Variants in FARS2 observed in about 807,000 individuals in gnomAD.
FARS2 encodes phenylalanyl-tRNA synthetase 2, mitochondrial, also known as phenylalanine--tRNA ligase, mitochondrial.
In FARS2, 40 loss-of-function variants were observed where a neutral mutation model predicts 46.4. The observed-to-expected ratio is 0.86, with a 90% CI of 0.67 to 1.12. The LOEUF (loss-of-function observed/expected upper bound fraction) is 1.12. Ranked by LOEUF, FARS2 falls within the 50% of genes most tolerant of loss-of-function variation. The probability of loss-of-function intolerance (pLI) is 0.00; values close to 1 mark genes in which losing one functional copy is unlikely to be tolerated. For synonymous variants in FARS2, 234 were observed against 214.9 expected (o/e 1.09, Z -0.78); for missense variants, 513 against 567.9 (o/e 0.90, Z 0.98).
chr6:5,465,447 A>G (rs977105413), intron 4 of FARS2, among the ~76,000 whole-genome samples: 6 of 152,202 alleles, frequency 3.9e-5, no homozygotes, highest in African/African-American at 1.4e-4. Context: ...TGCGTATTAT[A>G]ATTTACTTGC....
intron 1 of FARS2, among the ~76,000 whole-genome samples, chr6:5,268,741 A>C (rs1304002371): frequency 1.3e-5 from 2 of 152,160 alleles, no homozygotes; most frequent in Non-Finnish European, 2.9e-5. Flanking sequence ...TCTGTGAAGA[A>C]AGTCATTGGT....
At chr6:5,545,437 T>C (rs1770914334) in intron 5 of FARS2, 97 bp downstream of exon 5, 1 of 866,036 alleles carries the variant, frequency 1.2e-6, no homozygotes, top group African/African-American at 1.7e-5. Context: ...TTTATTTTAT[T>C]TATTTTATTT....
At chr6:5,569,123 A>G (rs1772484205) in intron 5 of FARS2, among the ~76,000 whole-genome samples, 1 of 152,098 alleles carries the variant, frequency 6.6e-6, no homozygotes, top group Admixed American at 6.5e-5. Flanking sequence ...AGCCAGAAAG[A>G]AAATGGTTCC....
At chr6:5,555,560 A>G (rs988929737) in intron 5 of FARS2, among the ~76,000 whole-genome samples, 2 of 152,154 alleles carry the variant, frequency 1.3e-5, no homozygotes, top group South Asian at 4.1e-4. Flanking sequence ...TGCTGTCATT[A>G]TCATAAATGT....
intron 4 of FARS2, among the ~76,000 whole-genome samples, chr6:5,475,024 T>C (rs962395625): frequency 1.3e-5 from 2 of 152,146 alleles, no homozygotes; most frequent in African/African-American, 4.8e-5. Flanking sequence ...TACCAAAACA[T>C]TGTTACTTGG....
chr6:5,474,741 A>G (rs972013402), intron 4 of FARS2, among the ~76,000 whole-genome samples: 1 of 146,262 alleles, frequency 6.8e-6, no homozygotes, highest in African/African-American at 2.5e-5. Context: ...GTTCACTGCA[A>G]CCTCTTCCTC....
chr6:5,379,907 C>G (rs550567652), intron 2 of FARS2, among the ~76,000 whole-genome samples: 51 of 152,302 alleles, frequency 3.3e-4, no homozygotes, highest in African/African-American at 1.2e-3. Flanking sequence ...GGACTCAACT[C>G]AGTTTTCACA....
intron 5 of FARS2, among the ~76,000 whole-genome samples, chr6:5,595,906 C>T (rs775892485): frequency 6.6e-6 from 1 of 152,102 alleles, no homozygotes; most frequent in Non-Finnish European, 1.5e-5. Context: ...TGAGTTGTAG[C>T]GGCTGAGTGA....
chr6:5,448,646 T>A (rs73352453), intron 4 of FARS2, among the ~76,000 whole-genome samples: 2,449 of 152,368 alleles, frequency 0.016, 66 homozygotes, highest in African/African-American at 0.055. Flanking sequence ...AAAAACAATG[T>A]TTCAGTGAAT....
At chr6:5,460,897 A>G (rs547324983) in intron 4 of FARS2, among the ~76,000 whole-genome samples, 1 of 152,296 alleles carries the variant, frequency 6.6e-6, no homozygotes, top group Admixed American at 6.5e-5. Flanking sequence ...TGGATTCTGT[A>G]GTACAGAAAG....
chr6:5,672,180 C>A (rs60675913), intron 6 of FARS2, among the ~76,000 whole-genome samples: 1 of 152,170 alleles, frequency 6.6e-6, no homozygotes, highest in Admixed American at 6.5e-5. Flanking sequence ...TCTGTGGAAT[C>A]TAAAGCGGCT....
chr6:5,309,948 T>C (rs1332541365), intron 1 of FARS2, among the ~76,000 whole-genome samples: 1 of 152,176 alleles, frequency 6.6e-6, no homozygotes, highest in Non-Finnish European at 1.5e-5. Context: ...GGATGTTAGA[T>C]ACATTATGAA....
intron 2 of FARS2, among the ~76,000 whole-genome samples, chr6:5,399,762 A>G (rs1030717840): frequency 6.6e-6 from 1 of 152,172 alleles, no homozygotes; most frequent in African/African-American, 2.4e-5. Flanking sequence ...TTTATTTATC[A>G]GGATGTCTTG....
At chr6:5,329,488 A>G (rs1770642139) in intron 1 of FARS2, among the ~76,000 whole-genome samples, 1 of 152,148 alleles carries the variant, frequency 6.6e-6, no homozygotes, top group Admixed American at 6.5e-5. Flanking sequence ...ATGTCAACCA[A>G]TCATCCAAGT....
chr6:5,725,978 T>C (rs1019654997), intron 6 of FARS2, among the ~76,000 whole-genome samples: 3 of 152,038 alleles, frequency 2.0e-5, no homozygotes, highest in Non-Finnish European at 4.4e-5. Context: ...ATCACCACCA[T>C]TGTCATCATC....
At chr6:5,724,759 A>G (rs1760143348) in intron 6 of FARS2, among the ~76,000 whole-genome samples, 1 of 152,222 alleles carries the variant, frequency 6.6e-6, no homozygotes, top group Non-Finnish European at 1.5e-5. Flanking sequence ...CACTCTTTGT[A>G]ATCAGGGAAT....
chr6:5,506,404 T>G (rs1314026944), intron 4 of FARS2, among the ~76,000 whole-genome samples: 1 of 152,194 alleles, frequency 6.6e-6, no homozygotes, highest in East Asian at 1.9e-4. Flanking sequence ...GAACCTTGAC[T>G]CTCAAGATTT....
At position 5,613,186 on chromosome 6, in the gene FARS2, G is replaced by A. The variant is rs762103254; in HGVS notation, c.1083G>A (p.Pro361=). 2.2e-5 allele frequency: 36 copies of A among 1,612,160 alleles called. No homozygotes were observed. The highest frequency in any genetic ancestry group is 4.4e-5 in the South Asian group (4 of 90,836). Residue 361 remains proline (P), a synonymous_variant, in exon 6 of 7, where the codon CCG becomes CCA. Transcript: ENST00000274680. ...TTTGTTAGCCTCTTAGCAAATATCC[G>A]GCTGTGATCAATGATATTTCATTCT... ...KVKFQPLSKY[P]AVINDISFWL... is the part of the protein sequence containing the mutation.
At chr6:5,288,507 G>A (rs561251864) in intron 1 of FARS2, among the ~76,000 whole-genome samples, 4 of 152,212 alleles carry the variant, frequency 2.6e-5, no homozygotes, top group Admixed American at 2.0e-4. Flanking sequence ...TGCACTGTAC[G>A]AATCACCAAA....
Sources: gnomAD v4.1 joint callset for allele counts (sites outside exome capture counted in the v4.1 genomes callset) on GRCh38, gnomAD v4.1.1 for gene constraint, MANE v1.5 for transcripts, NCBI Gene and HGNC (gene_info 2026-07-23, HGNC 2026-07-21) for gene names.